Variants in DTX3L observed in about 807,000 individuals in gnomAD.
DTX3L encodes deltex E3 ubiquitin ligase 3L.
DTX3L carries 34 observed loss-of-function variants against 60.9 expected under a neutral mutation model. The ratio of observed to expected loss-of-function variants is 0.56; its 90% CI spans 0.42 to 0.74. DTX3L has a LOEUF of 0.74. DTX3L is among the 30% of genes least tolerant of loss of function. The pLI is 0.00. For missense variants in DTX3L, 810 were observed against 874.0 expected, an observed-to-expected ratio of 0.93 and a Z score of 0.92; for synonymous variants, 290 against 316.6, an observed-to-expected ratio of 0.92 and a Z score of 0.89.
chr3:122,567,558 C>A (rs2080600313), intron 2 of DTX3L, among the ~76,000 whole-genome samples: 1 of 152,140 alleles, frequency 6.6e-6, no homozygotes, highest in Admixed American at 6.5e-5. Context: ...TTATCTTAAC[C>A]TGGCGTGTCT....
Position 122,569,030 on chromosome 3 carries a change from A to G in DTX3L, c.941A>G (p.Asp314Gly). Residue 314 changes from aspartate (D) to glycine (G), a missense_variant, in exon 3 of 5, where the codon GAC (aspartate) becomes GGC (glycine). Transcript: ENST00000296161. ...AAGCAAGAATGTGTCTCTTTAGCAGACAGTAAGCAGGCAAATAAATTCAAA... is the reference window on the plus strand; with the variant it reads ...AAGCAAGAATGTGTCTCTTTAGCAGGCAGTAAGCAGGCAAATAAATTCAAA... ...PLKQECVSLA[D>G]SKQANKFKQE... The G allele has an allele frequency of 6.2e-7, 1 of 1,614,140 alleles. No individual in the cohort carries two copies. Among genetic ancestry groups the G allele is most frequent in the South Asian group, 1.1e-5 (1 of 91,064 alleles).
rs183709736 is a variant in DTX3L, at chr3:122,569,286, C to T, written c.1197C>T (p.Ile399=). The change falls in exon 3 of 5, where the codon ATC becomes ATT. Residue 399 remains isoleucine (I), a synonymous_variant. Transcript: ENST00000296161. ...ETELLQEISE[I]EKRYDICSKV... ...AATTACTACAGGAGATATCAGAGAT[C>T]GAAAAAAGGTATGACATTTGCAGCA... The T allele has an allele frequency of 1.7e-4, 271 of 1,613,942 alleles. No individual in the cohort carries two copies. The highest frequency in any genetic ancestry group is 1.3e-3 in the Middle Eastern group (8 of 6,062).
Position 122,569,479 on chromosome 3 carries a change from C to T in DTX3L, c.1390C>T (p.His464Tyr), listed in dbSNP as rs749010515. The change falls in exon 3 of 5, where the codon CAC (histidine) becomes TAC (tyrosine). Residue 464 changes from histidine to tyrosine, a missense_variant. His to Tyr is a moderately conservative substitution (Grantham distance 83). Transcript: ENST00000296161. The part of the protein sequence containing the change: ...LLKSLGKERK[H>Y]LHQTKFADDF... ...GAAGTCTTTGGGCAAGGAGAGAAAG[C>T]ACTTACATCAGACCAAGTTTGCTGA... 1 of 1,614,180 alleles carries T rather than the reference C, an allele frequency of 6.2e-7. No individual in the cohort carries two copies. Among genetic ancestry groups the T allele is most frequent in the Non-Finnish European group, 8.5e-7 (1 of 1,180,036 alleles).
rs1355237080 is a variant in DTX3L, at chr3:122,574,768, C to T, written c.*3021C>T. The T allele has an allele frequency of 2.0e-5, 3 of 152,168 alleles. No individual in the cohort carries two copies. The highest frequency in any genetic ancestry group is 2.9e-5 in the Non-Finnish European group (2 of 68,040). The allele number at this position is 152,168 out of a possible 1,614,324, so 9.4% of individuals were successfully genotyped here. A position where few individuals can be genotyped will look rare whatever the true frequency, so the allele number is the denominator to read the frequency against. On this transcript the variant is annotated 3_prime_UTR_variant, in exon 5 of 5. Coordinates refer to ENST00000296161, the MANE Select transcript of DTX3L (RefSeq NM_138287.3). Reference sequence around the variant, plus strand: ...TACTTCTCCATGGAGCAGCCTGAGGCGATCCCTTTATTCTGGGCTTCTCTC... The same window carrying T: ...TACTTCTCCATGGAGCAGCCTGAGGTGATCCCTTTATTCTGGGCTTCTCTC...
At position 122,569,787 on chromosome 3, in the gene DTX3L, C is replaced by T. The variant is rs147678398; in HGVS notation, c.1698C>T (p.Asp566=). The T allele has an allele frequency of 2.5e-6, 4 of 1,614,006 alleles. No individual in the cohort carries two copies. The African/African-American group carries it at 5.3e-5, about 22-fold the overall frequency. ...AGGGCATCTGTGTCATCTGTATGGA[C>T]ACCATTAGTAACAAAAAAGTGCTAC... ...KEKGICVICM[D]TISNKKVLPK... The change falls in exon 3 of 5, where the codon GAC becomes GAT. Residue 566 remains aspartate (D), a synonymous_variant. Coordinates refer to ENST00000296161, the MANE Select transcript of DTX3L (RefSeq NM_138287.3).
At chr3:122,565,532 AAAAG>A (rs2080561095) in intron 1 of DTX3L, among the ~76,000 whole-genome samples, 1 of 150,532 alleles carries the variant, frequency 6.6e-6, no homozygotes, top group Non-Finnish European at 1.5e-5. Context: ...AAAAAAAAAA[AAAAG>A]AAGGAAGGAA....
At chr3:122,570,758 A>G (rs2080639582) in intron 4 of DTX3L, 86 bp downstream of exon 4, 8 of 1,371,674 alleles carry the variant, frequency 5.8e-6, no homozygotes, top group Middle Eastern at 1.9e-4. Flanking sequence ...ATATAAGTAG[A>G]CTCTATAGCA....
Position 122,565,997 on chromosome 3 carries a change from C to T in DTX3L, c.326C>T (p.Ala109Val). 6.2e-7 allele frequency: 1 copy of T among 1,614,180 alleles called. No individual in the cohort carries two copies. The highest frequency in any genetic ancestry group is 2.2e-5 in the East Asian group (1 of 44,876). ...ATTTCTTCACTGACACAATCACAAG[C>T]AGAAACACCGTCTGGTGATATGCAT... is the stretch of plus-strand genomic sequence containing the variant. The part of the protein sequence containing the change: ...PQISSLTQSQ[A>V]ETPSGDMHQH... The change falls in exon 2 of 5, where the codon GCA becomes GTA. Residue 109 changes from alanine (A) to valine (V), a missense_variant. By Grantham distance (64) the Ala-to-Val change is moderately conservative. Coordinates refer to ENST00000296161, the MANE Select transcript of DTX3L (RefSeq NM_138287.3).
chr3:122,571,753 C>G lies in DTX3L; in HGVS notation c.*6C>G. The stretch of plus-strand genomic sequence containing the variant: ...AAGCCAAAGGAATTGAGTAAGACAA[C>G]TGCTGGAAGATGTCTTAAATCAAGC... On this transcript the variant is annotated 3_prime_UTR_variant, in exon 5 of 5. Coordinates refer to ENST00000296161, the MANE Select transcript of DTX3L (RefSeq NM_138287.3). 7.5e-6 allele frequency: 12 copies of G among 1,608,736 alleles called. No homozygotes were observed. Among genetic ancestry groups the G allele is most frequent in the Non-Finnish European group, 9.3e-6 (11 of 1,177,086 alleles).
intron 2 of DTX3L, among the ~76,000 whole-genome samples, chr3:122,567,457 G>A (rs929952204): frequency 1.3e-5 from 2 of 152,156 alleles, no homozygotes; most frequent in Admixed American, 6.6e-5. Flanking sequence ...TGAAGATCTA[G>A]AGGAAGGATC....
chr3:122,571,495 G>A (rs545664590), intron 4 of DTX3L, among the ~76,000 whole-genome samples, 183 bp from the exon 5 acceptor site: 38 of 152,374 alleles, frequency 2.5e-4, no homozygotes, highest in African/African-American at 9.1e-4. Flanking sequence ...CAGACAGCTA[G>A]GCTCACTCGC....
rs2080504722 is a variant in DTX3L at position 122,564,389 on chromosome 3, C to T, written c.-38C>T. 1.3e-6 allele frequency: 2 copies of T among 1,578,214 alleles called. No homozygotes were observed. The highest frequency in any genetic ancestry group is 1.7e-6 in the Non-Finnish European group (2 of 1,164,312). ...GGGCCGCGCCTTTACCGCCCAGCTG[C>T]CTCCCGGAGCCCCCGCGCCCTCCCG... is the stretch of plus-strand genomic sequence containing the variant. On this transcript the variant is annotated 5_prime_UTR_variant, in exon 1 of 5. Coordinates refer to ENST00000296161, the MANE Select transcript of DTX3L (RefSeq NM_138287.3).
rs980439699 is a variant in DTX3L at position 122,564,741 on chromosome 3, A to C, written c.187+128A>C. 4.0e-5 allele frequency: 48 copies of C among 1,203,326 alleles called. 1 individual carries two copies. Among genetic ancestry groups the C allele is most frequent in the Non-Finnish European group, 3.5e-5 (31 of 884,196 alleles). 74.5% of individuals were successfully genotyped at this position (1,203,326 alleles called of 1,614,324 possible). ...AGTATGTCACTGTGCGGTGGCGGAC[A>C]GGGACGGGGCCCTACTGCCAAGAGA... On this transcript the variant is annotated intron_variant, in intron 1 of 4. Coordinates refer to ENST00000296161, the MANE Select transcript of DTX3L (RefSeq NM_138287.3).
chr3:122,565,927 C>G lies in DTX3L; in HGVS notation c.256C>G (p.Leu86Val). The change falls in exon 2 of 5, where the codon CTG becomes GTG. Residue 86 changes from leucine to valine, a missense_variant. Leu to Val is a conservative substitution (Grantham distance 32). Transcript: ENST00000296161. ...TGACGAAAAACCTGTGCCCATTTTC[C>G]TGGTACCCACTGAAAATTCAATAAA... ...LVDEKPVPIF[L>V]VPTENSIKKN... is the part of the protein sequence containing the mutation. 1.9e-6 allele frequency: 3 copies of G among 1,614,138 alleles called. No individual in the cohort carries two copies. Among genetic ancestry groups the G allele is most frequent in the Non-Finnish European group, 8.5e-7 (1 of 1,180,028 alleles).
Position 122,571,660 on chromosome 3 carries a change from G to C in DTX3L, c.2154-18G>C, listed in dbSNP as rs774397187. 1 of 1,601,846 alleles carries C rather than the reference G, an allele frequency of 6.2e-7. No individual in the cohort carries two copies. Among genetic ancestry groups the C allele is most frequent in the Non-Finnish European group, 8.5e-7 (1 of 1,173,164 alleles). On this transcript the variant is annotated intron_variant, in intron 4 of 4. Coordinates refer to ENST00000296161, the MANE Select transcript of DTX3L (RefSeq NM_138287.3). ...CGAACAATTTGTGGTGACACTAAAGGAATTTTTGTTTCTTCAGGTATGGCT... is the reference window on the plus strand; with the variant it reads ...CGAACAATTTGTGGTGACACTAAAGCAATTTTTGTTTCTTCAGGTATGGCT...
At chr3:122,570,364 T>A in intron 3 of DTX3L, 91 bp from the exon 4 acceptor site, 3 of 1,298,388 alleles carry the variant, frequency 2.3e-6, no homozygotes, top group Non-Finnish European at 3.3e-6. Flanking sequence ...TTGCTTTTGA[T>A]TTGCTTTATC....
intron 2 of DTX3L, 36 bp downstream of exon 2, chr3:122,566,106 C>T (rs1223699507): frequency 1.6e-5 from 26 of 1,579,936 alleles, no homozygotes; most frequent in Non-Finnish European, 2.1e-5. Context: ...TGTGCCTGCG[C>T]CTCCTCTCCA....
intron 2 of DTX3L, among the ~76,000 whole-genome samples, chr3:122,567,387 G>A (rs1366992914): frequency 6.6e-6 from 1 of 152,138 alleles, no homozygotes; most frequent in African/African-American, 2.4e-5. Flanking sequence ...AGATGATAAT[G>A]GCATGCACTT....
In DTX3L at chr3:122,571,889, C is replaced by T; in HGVS notation, c.*142C>T. The T allele has an allele frequency of 3.1e-6, 2 of 644,102 alleles. No homozygotes were observed. The highest frequency in any genetic ancestry group is 5.2e-6 in the Non-Finnish European group (2 of 385,158). 39.9% of individuals were successfully genotyped at this position (644,102 alleles called of 1,614,324 possible). ...AAATGGTTTGTATAAGAATAACAAT[C>T]TGCTAGTCTGTCATTTCTGGAGTGA... On this transcript the variant is annotated 3_prime_UTR_variant, in exon 5 of 5. Transcript: ENST00000296161.
Sources: gnomAD v4.1 joint callset for allele counts (sites outside exome capture counted in the v4.1 genomes callset) on GRCh38, gnomAD v4.1.1 for gene constraint, MANE v1.5 for transcripts, NCBI Gene and HGNC (gene_info 2026-07-23, HGNC 2026-07-21) for gene names.